The following SLC25A43 variants were observed in gnomAD, a reference collection of about 807,000 sequenced individuals.
The protein encoded by SLC25A43 is solute carrier family 25, member 43.
A neutral mutation model predicts 22.8 loss-of-function variants in SLC25A43; 10 were observed. The ratio of observed to expected loss-of-function variants is 0.44; its 90% CI spans 0.27 to 0.74. The LOEUF (loss-of-function observed/expected upper bound fraction) is 0.74, where lower values mean the gene tolerates loss of function less well. SLC25A43 is among the 30% of genes least tolerant of loss of function. The probability of loss-of-function intolerance (pLI) is 0.17; values close to 1 mark genes in which losing one functional copy is unlikely to be tolerated. For synonymous variants in SLC25A43, 106 were observed against 121.6 expected (o/e 0.87, Z 0.84); for missense variants, 233 against 279.1 (o/e 0.83, Z 1.18).
chrX:119,408,352 CTCTT>C (rs1188653568), intron 2 of SLC25A43, among the ~76,000 whole-genome samples: 5 of 111,969 alleles, frequency 4.5e-5, no homozygotes, highest in African/African-American at 1.6e-4. Flanking sequence ...CAAAAGTTCT[CTCTT>C]TCATCAAGTC....
chrX:119,452,251 C>A, intron 4 of SLC25A43, 108 bp downstream of exon 4: 1 of 917,820 alleles, frequency 1.1e-6, no homozygotes, highest in Non-Finnish European at 1.5e-6. Flanking sequence ...CCCCCTCTAG[C>A]ACTAATGGGT....
At chrX:119,403,847 A>C (rs961416566) in intron 1 of SLC25A43, among the ~76,000 whole-genome samples, 1 of 110,124 alleles carries the variant, frequency 9.1e-6, no homozygotes. Flanking sequence ...GGAACCCCAC[A>C]CTCTGATAAA....
At chrX:119,451,259 T>C (rs446246) in intron 3 of SLC25A43, among the ~76,000 whole-genome samples, 24,653 of 110,789 alleles carry the variant, frequency 0.22, 2,337 homozygotes, top group African/African-American at 0.35. Flanking sequence ...CTGAAGGTGG[T>C]GATGATGTCC....
chrX:119,433,613 T>C lies in SLC25A43; in HGVS notation c.691-18396T>C, dbSNP rs755944740. Among the ~76,000 whole-genome samples the C allele has an allele frequency of 3.6e-5, 4 of 112,406 alleles. No individual in the cohort carries two copies. The South Asian group carries it at 1.5e-3, about 41-fold the overall frequency. ...GGAAAATTTTTCTTCTCAAAATGTTTTCTTTAGAAAATTGGGAATTGTTGA... is the reference window on the plus strand; with the variant it reads ...GGAAAATTTTTCTTCTCAAAATGTTCTCTTTAGAAAATTGGGAATTGTTGA... On this transcript the variant is annotated intron_variant, in intron 3 of 4. Transcript: ENST00000217909.
At chrX:119,412,969 A>G (rs779050508) in intron 3 of SLC25A43, among the ~76,000 whole-genome samples, 15 of 110,236 alleles carry the variant, frequency 1.4e-4, no homozygotes, top group South Asian at 7.8e-4. Flanking sequence ...AAAATAAAAA[A>G]TTACCTGGGC....
At chrX:119,413,754 T>G (rs1020482949) in intron 3 of SLC25A43, among the ~76,000 whole-genome samples, 8 of 111,121 alleles carry the variant, frequency 7.2e-5, no homozygotes, top group African/African-American at 2.6e-4. Context: ...TATTATATAA[T>G]GGGTATTTCC....
At chrX:119,410,798 A>C (rs992932349) in intron 3 of SLC25A43, among the ~76,000 whole-genome samples, 2 of 111,066 alleles carry the variant, frequency 1.8e-5, no homozygotes, top group Admixed American at 9.6e-5. Flanking sequence ...CTGAGGCAGG[A>C]GGATCACTTG....
At chrX:119,401,440 G>A (rs944770726) in intron 1 of SLC25A43, among the ~76,000 whole-genome samples, 4 of 111,571 alleles carry the variant, frequency 3.6e-5, no homozygotes, top group African/African-American at 1.3e-4. Context: ...CATGGATAAT[G>A]TGCTCTAGAA....
At chrX:119,422,993 C>T (rs1479581702) in intron 3 of SLC25A43, 1 of 111,514 alleles carries the variant, frequency 9.0e-6, no homozygotes, top group African/African-American at 3.3e-5. Context: ...ACAGTCGTCC[C>T]TAGGTGTCTG....
rs1437044335 is a variant in SLC25A43 at position 119,399,664 on chromosome X, C to T, written c.261C>T (p.Leu87=). The part of the protein sequence containing the change: ...LRLFPCSAVQ[L]AAYRKFVVLF... ...TCTTCCCCTGCAGCGCCGTGCAGCT[C>T]GCCGCCTACCGCAAGTAAGAGCCGG... is the stretch of plus-strand genomic sequence containing the variant. Residue 87 remains leucine (L), a synonymous_variant, in exon 1 of 5, where the codon CTC becomes CTT. Coordinates refer to ENST00000217909, the MANE Select transcript of SLC25A43 (RefSeq NM_145305.3). 6.1e-6 allele frequency: 6 copies of T among 988,162 alleles called. No individual in the cohort carries two copies. Among genetic ancestry groups the T allele is most frequent in the Non-Finnish European group, 7.6e-6 (6 of 786,207 alleles). The allele number at this position is 988,162 out of a possible 1,213,427, so 81.4% of individuals were successfully genotyped here.
At position 119,410,196 on chromosome X, in the gene SLC25A43, TC is replaced by T; in HGVS notation, c.527del (p.Pro176ArgfsTer11). On this transcript the variant is annotated frameshift_variant, in exon 3 of 5. Coordinates refer to ENST00000217909, the MANE Select transcript of SLC25A43 (RefSeq NM_145305.3). LOFTEE classifies it high-confidence loss of function. ...RGVSLTVVGALPFSAGSLLVY... is the reference protein window; with the variant it reads ...RGVSLTVVGAXPFSAGSLLVY... ...CCCTGGCCTTGTTTTGCAGGTGCTCTCCCGTTCTCTGCTGGCTCCCTTCTTG... is the reference window on the plus strand; with the variant it reads ...CCCTGGCCTTGTTTTGCAGGTGCTCTCCGTTCTCTGCTGGCTCCCTTCTTG... 1 of 1,210,641 alleles carries T rather than the reference TC, an allele frequency of 8.3e-7. No homozygotes were observed. Among genetic ancestry groups the T allele is most frequent in the Non-Finnish European group, 1.1e-6 (1 of 895,187 alleles).
At chrX:119,428,161 A>G (rs1603297520) in intron 3 of SLC25A43, among the ~76,000 whole-genome samples, 1 of 112,137 alleles carries the variant, frequency 8.9e-6, no homozygotes, top group East Asian at 2.8e-4. Flanking sequence ...TTTCCACCTG[A>G]AAATGTATCT....
intron 3 of SLC25A43, among the ~76,000 whole-genome samples, chrX:119,414,851 G>C (rs1603295290): frequency 9.4e-6 from 1 of 106,212 alleles, no homozygotes; most frequent in Admixed American, 1.0e-4. Flanking sequence ...AGGCTCAGGT[G>C]ATTCTCTCAC....
chrX:119,432,037 A>G (rs1229423050), intron 3 of SLC25A43, among the ~76,000 whole-genome samples: 1 of 108,750 alleles, frequency 9.2e-6, no homozygotes, highest in Non-Finnish European at 1.9e-5. Context: ...CTATAGTCCC[A>G]GCTACTTGGG....
chrX:119,442,043 T>C (rs757754348), intron 3 of SLC25A43, among the ~76,000 whole-genome samples: 6 of 111,497 alleles, frequency 5.4e-5, no homozygotes, highest in Non-Finnish European at 1.1e-4. Flanking sequence ...TGAGCCGAGA[T>C]TGCGCCGCTG....
intron 3 of SLC25A43, among the ~76,000 whole-genome samples, chrX:119,421,378 C>CA: frequency 8.9e-6 from 1 of 111,770 alleles, no homozygotes; most frequent in East Asian, 2.8e-4. Flanking sequence ...CCCAGTTTTT[C>CA]ACTGCTGGCA....
chrX:119,418,431 G>A (rs916692892), intron 3 of SLC25A43, among the ~76,000 whole-genome samples: 2 of 111,743 alleles, frequency 1.8e-5, no homozygotes, highest in Admixed American at 1.9e-4. Context: ...TCAATGGCAG[G>A]TGTCTGTTGG....
chrX:119,407,132 T>C (rs959242910), intron 2 of SLC25A43, among the ~76,000 whole-genome samples: 1 of 112,258 alleles, frequency 8.9e-6, no homozygotes, highest in Non-Finnish European at 1.9e-5. Flanking sequence ...TATCTGAACT[T>C]GGTTGCAGCA....
intron 1 of SLC25A43, among the ~76,000 whole-genome samples, chrX:119,402,456 C>CGTT (rs2052247077): frequency 8.9e-6 from 1 of 111,938 alleles, no homozygotes; most frequent in African/African-American, 3.2e-5. Flanking sequence ...ACTTCACAAC[C>CGTT]GCTTGTCTAT....
Sources: allele counts gnomAD v4.1 joint callset (sites outside exome capture counted in the v4.1 genomes callset), GRCh38; gene constraint gnomAD v4.1.1; transcripts MANE v1.5; gene names NCBI Gene and HGNC (gene_info 2026-07-23, HGNC 2026-07-21).